The following NEGR1 variants were observed in gnomAD, a reference collection of about 807,000 sequenced individuals.
The protein encoded by NEGR1 is neuronal growth regulator 1.
NEGR1 carries 10 observed loss-of-function variants against 40.9 expected under a neutral mutation model. That is an observed-to-expected ratio of 0.24 (90% CI 0.15 to 0.42). NEGR1 has a LOEUF of 0.42. NEGR1 is among the 10% of genes least tolerant of loss of function. The pLI, the probability that NEGR1 is intolerant of heterozygous loss-of-function variation, is 1.00. For missense variants in NEGR1, 352 were observed against 438.9 expected (o/e 0.80, Z 1.77); for synonymous variants, 185 against 166.8 (o/e 1.11, Z -0.84).
In NEGR1 at chr1:71,636,380, GT is replaced by G. The variant is rs201633067; in HGVS notation, c.668-25235del. ...TTTCATTTTTATGTTATGTCTTTCA[GT>G]TTTATTTTTTATCACAAAATGGCAG... On this transcript the variant is annotated intron_variant, in intron 4 of 6. Transcript: ENST00000357731. 7.0e-4 allele frequency among the ~76,000 whole-genome samples: 106 copies of G among 152,094 alleles called. 1 individual carries two copies. In the East Asian group the frequency reaches 0.019, roughly 28 times the overall value.
At chr1:72,248,382 C>T (rs533877530) in intron 1 of NEGR1, among the ~76,000 whole-genome samples, 166 of 151,908 alleles carry the variant, frequency 1.1e-3, no homozygotes, top group African/African-American at 3.7e-3. Context: ...CTCAGCCTCC[C>T]GAGTAGCTAG....
intron 2 of NEGR1, among the ~76,000 whole-genome samples, chr1:71,803,755 C>A (rs762230923): frequency 2.6e-5 from 4 of 152,160 alleles, no homozygotes; most frequent in Non-Finnish European, 5.9e-5. Context: ...GAACATACCA[C>A]CTTCTGACGT....
intron 6 of NEGR1, among the ~76,000 whole-genome samples, chr1:71,500,442 G>A (rs766903854): frequency 2.4e-4 from 36 of 151,986 alleles, no homozygotes; most frequent in Non-Finnish European, 5.0e-4. Flanking sequence ...TTGGATAAGT[G>A]TAATATCTTG....
chr1:71,629,540 T>C (rs917569943), intron 4 of NEGR1, among the ~76,000 whole-genome samples: 4 of 152,026 alleles, frequency 2.6e-5, no homozygotes, highest in Non-Finnish European at 5.9e-5. Context: ...GTTTGTCTAT[T>C]ATTGGTGTAT....
chr1:71,894,267 A>G (rs1660899807), intron 2 of NEGR1, among the ~76,000 whole-genome samples: 1 of 152,100 alleles, frequency 6.6e-6, no homozygotes, highest in Admixed American at 6.5e-5. Context: ...GGAGAAGTCA[A>G]GAACACAAGA....
At chr1:72,070,067 TACAG>T (rs1203398324) in intron 1 of NEGR1, among the ~76,000 whole-genome samples, 1 of 152,108 alleles carries the variant, frequency 6.6e-6, no homozygotes, top group Non-Finnish European at 1.5e-5. Context: ...AACCTCATGT[TACAG>T]ACATACATTT....
chr1:71,967,009 C>A (rs1480909240), intron 1 of NEGR1, among the ~76,000 whole-genome samples: 5 of 152,070 alleles, frequency 3.3e-5, no homozygotes, highest in African/African-American at 1.2e-4. Context: ...TAGGCACAAC[C>A]AGCTGGGTTG....
chr1:72,119,140 T>C (rs1335425144), intron 1 of NEGR1, among the ~76,000 whole-genome samples: 1 of 151,958 alleles, frequency 6.6e-6, no homozygotes, highest in Non-Finnish European at 1.5e-5. Flanking sequence ...TACAGTAACA[T>C]TTCTTGCATT....
At chr1:72,211,779 A>G (rs1225679551) in intron 1 of NEGR1, among the ~76,000 whole-genome samples, 2 of 151,702 alleles carry the variant, frequency 1.3e-5, no homozygotes, top group Non-Finnish European at 1.5e-5. Context: ...TTTTTTAAGA[A>G]TGTAAAGGTG....
rs541759713 is a variant in NEGR1, at chr1:71,995,870, T to A, written c.177-60559A>T. Among the ~76,000 whole-genome samples, 5 of 152,322 alleles carry A rather than the reference T, an allele frequency of 3.3e-5. No individual in the cohort carries two copies. The East Asian group carries it at 7.7e-4, about 23-fold the overall frequency. On this transcript the variant is annotated intron_variant, in intron 1 of 6. Coordinates refer to ENST00000357731, the MANE Select transcript of NEGR1 (RefSeq NM_173808.3). ...TTAATTGAAGTTTTGTTTTTAATGA[T>A]GTTCATGAAATTCTAAAAAATTACT...
chr1:71,702,995 A>C (rs1653751969), intron 3 of NEGR1, among the ~76,000 whole-genome samples: 1 of 152,136 alleles, frequency 6.6e-6, no homozygotes, highest in Non-Finnish European at 1.5e-5. Flanking sequence ...TATAGACAAA[A>C]AGCTACAGAA....
At chr1:71,901,217 C>A (rs976015690) in intron 2 of NEGR1, among the ~76,000 whole-genome samples, 1 of 152,074 alleles carries the variant, frequency 6.6e-6, no homozygotes, top group Non-Finnish European at 1.5e-5. Flanking sequence ...AGAAACAAAA[C>A]GATCCAAAAA....
intron 2 of NEGR1, among the ~76,000 whole-genome samples, chr1:71,832,934 C>T (rs1460753729): frequency 6.6e-6 from 1 of 151,988 alleles, no homozygotes; most frequent in Non-Finnish European, 1.5e-5. Flanking sequence ...TATTATTAAA[C>T]ATCTAGCTAT....
chr1:71,752,821 A>G lies in NEGR1; in HGVS notation c.535+23351T>C, dbSNP rs190978872. 1.7e-3 allele frequency among the ~76,000 whole-genome samples: 260 copies of G among 152,292 alleles called. 1 individual carries two copies. Among genetic ancestry groups the G allele is most frequent in the Admixed American group, 2.9e-3 (44 of 15,288 alleles). The stretch of plus-strand genomic sequence containing the variant: ...TATTTCCAGGAACAGGAGATTCGCT[A>G]CTTAACATGGTTTCAGTTCTATGTT... On this transcript the variant is annotated intron_variant, in intron 3 of 6. Transcript: ENST00000357731.
intron 4 of NEGR1, among the ~76,000 whole-genome samples, chr1:71,688,225 G>A (rs1653102818): frequency 6.8e-6 from 1 of 147,296 alleles, no homozygotes; most frequent in Non-Finnish European, 1.5e-5. Flanking sequence ...TTAAAGCCAG[G>A]GTGCCCAGCT....
chr1:71,948,561 G>C (rs1330841408), intron 1 of NEGR1, among the ~76,000 whole-genome samples: 2 of 151,768 alleles, frequency 1.3e-5, no homozygotes, highest in African/African-American at 4.8e-5. Flanking sequence ...ATGAAAATGA[G>C]TATTTATTAT....
chr1:71,585,730 C>A (rs563523291), intron 6 of NEGR1, among the ~76,000 whole-genome samples: 33 of 134,926 alleles, frequency 2.4e-4, no homozygotes, highest in Non-Finnish European at 4.7e-4. Flanking sequence ...CAAGTGAATG[C>A]TTATGTGCAT....
chr1:71,754,539 TTC>T (rs914069388), intron 3 of NEGR1, among the ~76,000 whole-genome samples: 1 of 152,138 alleles, frequency 6.6e-6, no homozygotes, highest in Non-Finnish European at 1.5e-5. Flanking sequence ...TGCCATACTA[TTC>T]TCTCTCTTAG....
chr1:71,685,789 T>G (rs1298715179), intron 4 of NEGR1, among the ~76,000 whole-genome samples: 1 of 152,210 alleles, frequency 6.6e-6, no homozygotes, highest in Non-Finnish European at 1.5e-5. Flanking sequence ...AATCTTGGAT[T>G]TCATATCCAG....
Sources: allele counts gnomAD v4.1 joint callset (sites outside exome capture counted in the v4.1 genomes callset), GRCh38; gene constraint gnomAD v4.1.1; transcripts MANE v1.5; gene names NCBI Gene and HGNC (gene_info 2026-07-23, HGNC 2026-07-21).